The following SEPTIN10 variants were observed in gnomAD, a reference collection of about 807,000 sequenced individuals.
The protein encoded by SEPTIN10 is septin-10.
SEPTIN10 carries 66 observed loss-of-function variants against 54.8 expected under a neutral mutation model. The ratio of observed to expected loss-of-function variants is 1.21; its 90% CI spans 0.99 to 1.48. SEPTIN10 has a LOEUF of 1.48. Ranked by LOEUF, SEPTIN10 falls within the 40% of genes most tolerant of loss-of-function variation. SEPTIN10 has a pLI of 0.00. For missense variants in SEPTIN10, 620 were observed against 545.6 expected (o/e 1.14, Z -1.36); for synonymous variants, 161 against 181.0 (o/e 0.89, Z 0.89).
rs533317753 is a variant in SEPTIN10 at position 109,599,156 on chromosome 2, A to G, written c.31-6037T>C. 3.9e-5 allele frequency among the ~76,000 whole-genome samples: 6 copies of G among 151,914 alleles called. 1 individual carries two copies. The highest frequency in any genetic ancestry group is 1.4e-4 in the African/African-American group (6 of 41,432). Reference sequence around the variant, plus strand: ...AAGTGGATGCTTATTACAACCCAGAAAAAAAAGAACTCAAGTGGAGGCCGG... The same window carrying G: ...AAGTGGATGCTTATTACAACCCAGAGAAAAAAGAACTCAAGTGGAGGCCGG... On this transcript the variant is annotated intron_variant, in intron 1 of 10. Coordinates refer to ENST00000397712, the MANE Select transcript of SEPTIN10 (RefSeq NM_144710.5).
intron 5 of SEPTIN10, 114 bp downstream of exon 5, chr2:109,574,463 AAAAT>A: frequency 1.6e-6 from 1 of 640,138 alleles, no homozygotes; most frequent in Non-Finnish European, 2.2e-6. Flanking sequence ...AAAAAAAAAA[AAAAT>A]TTAAAAAAGA....
intron 2 of SEPTIN10, 138 bp downstream of exon 2, chr2:109,592,913 A>C: frequency 2.2e-6 from 1 of 457,938 alleles, no homozygotes; most frequent in Non-Finnish European, 3.8e-6. Flanking sequence ...TTGAATCAAC[A>C]GAAAAATTAA....
chr2:109,547,369 G>GTTTTTT (rs35573327), intron 9 of SEPTIN10, among the ~76,000 whole-genome samples: 1 of 117,872 alleles, frequency 8.5e-6, no homozygotes, highest in Non-Finnish European at 1.8e-5. Flanking sequence ...TAATAAACTT[G>GTTTTTT]TTTTTTTTTT....
At chr2:109,560,542 C>A (rs1250520103) in intron 8 of SEPTIN10, among the ~76,000 whole-genome samples, 1 of 152,198 alleles carries the variant, frequency 6.6e-6, no homozygotes, top group African/African-American at 2.4e-5. Context: ...TAGAATTAAT[C>A]ATTTAAATAC....
chr2:109,576,872 A>G (rs1282540520), intron 4 of SEPTIN10, among the ~76,000 whole-genome samples: 1 of 152,218 alleles, frequency 6.6e-6, no homozygotes, highest in Admixed American at 6.5e-5. Flanking sequence ...ATATTTCATC[A>G]AAGTTTTCAA....
At chr2:109,607,422 T>TG (rs1698244234) in intron 1 of SEPTIN10, among the ~76,000 whole-genome samples, 1 of 152,208 alleles carries the variant, frequency 6.6e-6, no homozygotes, top group East Asian at 1.9e-4. Context: ...GCATTCTCAA[T>TG]GGGGGCAGTA....
intron 4 of SEPTIN10, among the ~76,000 whole-genome samples, chr2:109,582,110 A>ACACT (rs1553437767): frequency 0.053 from 7,102 of 134,898 alleles, 208 homozygotes; most frequent in Middle Eastern, 0.085. Context: ...ACACACACAC[A>ACACT]CACTCACTCT....
At chr2:109,609,089 T>C (rs1276219785) in intron 1 of SEPTIN10, among the ~76,000 whole-genome samples, 3 of 152,332 alleles carry the variant, frequency 2.0e-5, no homozygotes, top group East Asian at 1.9e-4. Flanking sequence ...CCTGGCACTA[T>C]GTTATAATGA....
intron 4 of SEPTIN10, among the ~76,000 whole-genome samples, chr2:109,580,772 G>A (rs1690916328): frequency 1.3e-5 from 2 of 152,196 alleles, no homozygotes; most frequent in Admixed American, 6.5e-5. Flanking sequence ...ATAAAACTGT[G>A]ACCACTGAAA....
chr2:109,612,906 C>A (rs1479410483), intron 1 of SEPTIN10, among the ~76,000 whole-genome samples: 3 of 152,232 alleles, frequency 2.0e-5, no homozygotes, highest in Non-Finnish European at 2.9e-5. Context: ...AGCCTGCAAT[C>A]TGAACTGTTT....
intron 2 of SEPTIN10, among the ~76,000 whole-genome samples, chr2:109,591,700 C>G (rs1235995961): frequency 1.3e-5 from 2 of 152,048 alleles, no homozygotes; most frequent in African/African-American, 2.4e-5. Flanking sequence ...AGTTCAAGAC[C>G]AGCCTGGCCA....
intron 4 of SEPTIN10, among the ~76,000 whole-genome samples, chr2:109,577,332 C>G (rs1312865088): frequency 6.6e-6 from 1 of 152,144 alleles, no homozygotes; most frequent in East Asian, 1.9e-4. Context: ...CATGGTGGCT[C>G]ACTGTAATTC....
At chr2:109,570,337 T>C (rs769660856) in intron 5 of SEPTIN10, among the ~76,000 whole-genome samples, 25 of 152,220 alleles carry the variant, frequency 1.6e-4, no homozygotes, top group Non-Finnish European at 2.6e-4. Context: ...AAAGGTAATA[T>C]TGTAATGCTC....
Position 109,550,838 on chromosome 2 carries a change from T to C in SEPTIN10, c.1161+2249A>G, listed in dbSNP as rs1226917738. Among the ~76,000 whole-genome samples the C allele has an allele frequency of 3.3e-5, 5 of 152,324 alleles. No homozygotes were observed. The East Asian group carries it at 7.7e-4, about 24-fold the overall frequency. On this transcript the variant is annotated intron_variant, in intron 9 of 10. Transcript: ENST00000397712. ...TATTATAAGGCTCCTGTTCTCCTCA[T>C]GTTCATGGTTGTAACGTAGCTGCAT...
chr2:109,571,276 C>A (rs189727903), intron 5 of SEPTIN10, among the ~76,000 whole-genome samples: 3 of 152,128 alleles, frequency 2.0e-5, no homozygotes, highest in African/African-American at 2.4e-5. Context: ...TATAGCAATG[C>A]GAGAACGGAC....
At chr2:109,545,710 G>C in intron 10 of SEPTIN10, 1 of 1,453,462 alleles carries the variant, frequency 6.9e-7, no homozygotes, top group Non-Finnish European at 9.0e-7. Context: ...TAGGTCAGCA[G>C]CCATTAGCTG....
Position 109,585,252 on chromosome 2 carries a change from G to T in SEPTIN10, c.287C>A (p.Ser96Tyr). 6.2e-7 allele frequency: 1 copy of T among 1,612,922 alleles called. No individual in the cohort carries two copies. The highest frequency in any genetic ancestry group is 8.5e-7 in the Non-Finnish European group (1 of 1,179,388). ...LFNTNFEDYE[S>Y]SHFCPNVKLK... ...TTTAACATTTGGGCAAAAATGTGAG[G>T]ATTCATAGTCTTCAAAATTAGTATT... Residue 96 changes from serine to tyrosine, a missense_variant, in exon 4 of 11, where the codon TCC becomes TAC. By Grantham distance (144) the Ser-to-Tyr change is moderately radical. Transcript: ENST00000397712.
intron 8 of SEPTIN10, among the ~76,000 whole-genome samples, chr2:109,558,641 C>T (rs958307551): frequency 7.2e-5 from 11 of 152,084 alleles, no homozygotes; most frequent in African/African-American, 2.4e-4. Context: ...GCGATTGGTG[C>T]TGGTAGATTA....
At chr2:109,609,231 C>A (rs1698689554) in intron 1 of SEPTIN10, among the ~76,000 whole-genome samples, 1 of 152,154 alleles carries the variant, frequency 6.6e-6, no homozygotes, top group Non-Finnish European at 1.5e-5. Flanking sequence ...ATAATTTATT[C>A]ATTTAACATT....
Sources: allele counts gnomAD v4.1 joint callset (sites outside exome capture counted in the v4.1 genomes callset), GRCh38; gene constraint gnomAD v4.1.1; transcripts MANE v1.5; gene names NCBI Gene and HGNC (gene_info 2026-07-23, HGNC 2026-07-21).